The following CXCL12 variants were observed in gnomAD, a reference collection of about 807,000 sequenced individuals.
The protein encoded by CXCL12 is stromal cell-derived factor 1.
CXCL12 carries 4 observed loss-of-function variants against 10.7 expected under a neutral mutation model. The ratio of observed to expected loss-of-function variants is 0.37; its 90% CI spans 0.18 to 0.86. CXCL12 has a LOEUF of 0.86. CXCL12 is among the 40% of genes least tolerant of loss of function. The pLI is 0.43. For missense variants in CXCL12, 122 were observed against 110.4 expected (o/e 1.10, Z -0.47); for synonymous variants, 54 against 45.4 (o/e 1.19, Z -0.77).
intron 1 of CXCL12, among the ~76,000 whole-genome samples, chr10:44,382,905 C>T (rs1470686501): frequency 6.6e-6 from 1 of 152,218 alleles, no homozygotes; most frequent in Non-Finnish European, 1.5e-5. Flanking sequence ...CCCAACCGTT[C>T]TGGATGTAAA....
chr10:44,383,280 G>A (rs1231776695), intron 1 of CXCL12, among the ~76,000 whole-genome samples: 3 of 152,162 alleles, frequency 2.0e-5, no homozygotes, highest in Non-Finnish European at 4.4e-5. Flanking sequence ...GATCTGCCTG[G>A]AGCCCAGGCT....
intron 1 of CXCL12, among the ~76,000 whole-genome samples, chr10:44,381,855 G>C (rs1839642330): frequency 6.6e-6 from 1 of 152,056 alleles, no homozygotes; most frequent in Non-Finnish European, 1.5e-5. Context: ...AGAATATTTG[G>C]TCCAGAGATT....
At chr10:44,375,834 A>T (rs1374097274), downstream of CXCL12, 2 of 1,552,758 alleles carry the variant, frequency 1.3e-6, no homozygotes, top group Non-Finnish European at 1.7e-6. Flanking sequence ...CGGAAGTCTG[A>T]GCCCCTGCCC....
At chr10:44,372,806 A>T (rs1839347158), downstream of CXCL12, 1 of 1,471,066 alleles carries the variant, frequency 6.8e-7, no homozygotes, top group Admixed American at 2.4e-5. Flanking sequence ...GAAGAGGCAG[A>T]CCCGGCTCCC....
chr10:44,380,706 A>C, intron 2 of CXCL12, 57 bp downstream of exon 2: 1 of 1,409,282 alleles, frequency 7.1e-7, no homozygotes, highest in Admixed American at 1.7e-5. Flanking sequence ...GTTAGATGTT[A>C]CTATGTTCGT....
At chr10:44,375,326 AG>A (rs1839423474), downstream of CXCL12, among the ~76,000 whole-genome samples, 2 of 152,234 alleles carry the variant, frequency 1.3e-5, no homozygotes, top group Non-Finnish European at 2.9e-5. Context: ...CCCAGGAAGG[AG>A]GGGCTGAAGA....
chr10:44,378,782 G>A (rs1379787097), intron 2 of CXCL12, 59 bp from the exon 3 acceptor site: 16 of 1,538,704 alleles, frequency 1.0e-5, no homozygotes, highest in South Asian at 1.0e-4. Context: ...CGGCTGCAAC[G>A]TGTGCATCCG....
At chr10:44,384,693 T>C (rs1401344240) in intron 1 of CXCL12, among the ~76,000 whole-genome samples, 1 of 152,218 alleles carries the variant, frequency 6.6e-6, no homozygotes, top group Admixed American at 6.5e-5. Context: ...TCCTGCCCAG[T>C]TGTCCCGGCT....
In CXCL12 at chr10:44,377,992, C is replaced by A; in HGVS notation, c.*641G>T. On this transcript the variant is annotated 3_prime_UTR_variant, in exon 3 of 3. Transcript: ENST00000343575. ...AATAGCTGGGAGAGGGGTCTCTGAG[C>A]ACAGTCCCAGTAATAGTGGCTTCTA... 1 of 1,511,742 alleles carries A rather than the reference C, an allele frequency of 6.6e-7. No individual in the cohort carries two copies. Among genetic ancestry groups the A allele is most frequent in the African/African-American group, 1.4e-5 (1 of 71,320 alleles). The allele number at this position is 1,511,742 out of a possible 1,614,324, so 93.6% of individuals were successfully genotyped here.
chr10:44,384,826 C>T lies in CXCL12; in HGVS notation c.61+119G>A. The T allele has an allele frequency of 5.1e-6, 5 of 977,984 alleles. No individual in the cohort carries two copies. In the East Asian group the frequency reaches 1.6e-4, roughly 31 times the overall value. 60.6% of individuals were successfully genotyped at this position (977,984 alleles called of 1,614,324 possible). A position where few individuals can be genotyped will look rare whatever the true frequency, so the allele number is the denominator to read the frequency against. ...GAGCGCCCAGCTAAGCGAGCTGCCTCCACCCCCACTGTGTCGGGCGGCGCA... is the reference window on the plus strand; with the variant it reads ...GAGCGCCCAGCTAAGCGAGCTGCCTTCACCCCCACTGTGTCGGGCGGCGCA... On this transcript the variant is annotated intron_variant, in intron 1 of 2. Transcript: ENST00000343575.
At position 44,378,116 on chromosome 10, in the gene CXCL12, C is replaced by G; in HGVS notation, c.*517G>C. On this transcript the variant is annotated 3_prime_UTR_variant, in exon 3 of 3. Coordinates refer to ENST00000343575, the MANE Select transcript of CXCL12 (RefSeq NM_199168.4). ...GTATCTGAGTGCCACAGAGGCCTTCCTCTTGGGAGGGGCGCTGCTGCGGGA... is the reference window on the plus strand; with the variant it reads ...GTATCTGAGTGCCACAGAGGCCTTCGTCTTGGGAGGGGCGCTGCTGCGGGA... 1 of 1,445,386 alleles carries G rather than the reference C, an allele frequency of 6.9e-7. No homozygotes were observed. The highest frequency in any genetic ancestry group is 9.0e-7 in the Non-Finnish European group (1 of 1,105,774). 89.5% of individuals were successfully genotyped at this position (1,445,386 alleles called of 1,614,324 possible). A position where few individuals can be genotyped will look rare whatever the true frequency, so the allele number is the denominator to read the frequency against.
intron 2 of CXCL12, among the ~76,000 whole-genome samples, chr10:44,380,089 A>C (rs915897505): frequency 2.6e-5 from 4 of 152,226 alleles, no homozygotes; most frequent in Non-Finnish European, 1.5e-5. Context: ...GTTCAGACAC[A>C]GGACCTCTTG....
chr10:44,374,624 G>T (rs751940361), downstream of CXCL12: 8 of 455,922 alleles, frequency 1.8e-5, no homozygotes, highest in Non-Finnish European at 3.5e-5. Flanking sequence ...CGAGGAGAAG[G>T]CATGGCTGTG....
intron 2 of CXCL12, chr10:44,380,437 A>G: frequency 3.7e-6 from 1 of 269,902 alleles, no homozygotes; most frequent in South Asian, 6.7e-5. Flanking sequence ...GGGCTGGCTA[A>G]TTTACTAGGC....
At position 44,378,298 on chromosome 10, in the gene CXCL12, T is replaced by A; in HGVS notation, c.*335A>T. 6.8e-7 allele frequency: 1 copy of A among 1,471,388 alleles called. No individual in the cohort carries two copies. Among genetic ancestry groups the A allele is most frequent in the South Asian group, 1.1e-5 (1 of 88,760 alleles). 91.1% of individuals were successfully genotyped at this position (1,471,388 alleles called of 1,614,324 possible). On this transcript the variant is annotated 3_prime_UTR_variant, in exon 3 of 3. Transcript: ENST00000343575. ...ATTTAAAAAATGAGAATGAGAATGA[T>A]GATGATTGTGATGATCATGAAGGAA...
downstream of CXCL12, chr10:44,371,370 C>T (rs755867078): frequency 1.5e-5 from 7 of 480,208 alleles, no homozygotes; most frequent in Admixed American, 1.5e-4. Context: ...CCAAGTTCTA[C>T]GTGACAGATT....
downstream of CXCL12, chr10:44,375,998 TTTC>T (rs1235461906): frequency 6.2e-7 from 1 of 1,613,848 alleles, no homozygotes; most frequent in African/African-American, 1.3e-5. Flanking sequence ...TTTCCTATCT[TTTC>T]TTTTTTCCCC....
downstream of CXCL12, among the ~76,000 whole-genome samples, chr10:44,374,931 C>G (rs1839414125): frequency 6.6e-6 from 1 of 152,176 alleles, no homozygotes; most frequent in Non-Finnish European, 1.5e-5. Flanking sequence ...GCCAAAAAAT[C>G]TCACACATAC....
chr10:44,383,611 G>GCGGC (rs71020334), intron 1 of CXCL12, among the ~76,000 whole-genome samples: 2 of 76,770 alleles, frequency 2.6e-5, no homozygotes, highest in Non-Finnish European at 2.8e-5. Context: ...ATGACTTGCG[G>GCGGC]GGGGGGGGGG....
Sources: gnomAD v4.1 joint callset for allele counts (sites outside exome capture counted in the v4.1 genomes callset) on GRCh38, gnomAD v4.1.1 for gene constraint, MANE v1.5 for transcripts, NCBI Gene and HGNC (gene_info 2026-07-23, HGNC 2026-07-21) for gene names.